Variants in SMG1 observed in about 807,000 individuals in gnomAD.
SMG1 encodes the protein serine/threonine-protein kinase SMG1.
SMG1 carries 22 observed loss-of-function variants against 419.9 expected under a neutral mutation model. That is an observed-to-expected ratio of 0.05 (90% CI 0.04 to 0.07). The LOEUF (loss-of-function observed/expected upper bound fraction) is 0.07. SMG1 is among the 10% of genes least tolerant of loss of function. The probability of loss-of-function intolerance (pLI) is 1.00; values close to 1 mark genes in which losing one functional copy is unlikely to be tolerated. For synonymous variants in SMG1, 1,538 were observed against 1,553.5 expected, an observed-to-expected ratio of 0.99 and a Z score of 0.23; for missense variants, 3,185 against 4,342.0, an observed-to-expected ratio of 0.73 and a Z score of 7.49.
At chr16:18,832,472 G>T (rs908648167) in intron 51 of SMG1, among the ~76,000 whole-genome samples, 2 of 152,070 alleles carry the variant, frequency 1.3e-5, no homozygotes, top group African/African-American at 4.8e-5. Context: ...TGTCTCCAAG[G>T]GGTTCTACAA....
intron 38 of SMG1, among the ~76,000 whole-genome samples, chr16:18,846,809 G>C (rs1266767609): frequency 1.3e-5 from 2 of 152,220 alleles, no homozygotes; most frequent in Non-Finnish European, 2.9e-5. Context: ...GGAAAAGTTT[G>C]TTGGCTCCTC....
intron 23 of SMG1, chr16:18,866,299 C>CT: frequency 2.7e-6 from 1 of 372,316 alleles, no homozygotes; most frequent in Non-Finnish European, 5.0e-6. Context: ...AGCAAATACT[C>CT]TGACAATAAA....
intron 1 of SMG1, among the ~76,000 whole-genome samples, chr16:18,916,998 A>G (rs2038007577): frequency 6.6e-6 from 1 of 152,086 alleles, no homozygotes; most frequent in Non-Finnish European, 1.5e-5. Context: ...CTTATATGAC[A>G]TTCCATACAT....
At chr16:18,881,541 TTA>T (rs1257877184) in intron 10 of SMG1, among the ~76,000 whole-genome samples, 1 of 152,224 alleles carries the variant, frequency 6.6e-6, no homozygotes, top group African/African-American at 2.4e-5. Flanking sequence ...ATTAAATCTT[TTA>T]TGACTATATC....
chr16:18,809,269 T>C lies in SMG1; in HGVS notation c.*300A>G. 1 of 347,874 alleles carries C rather than the reference T, an allele frequency of 2.9e-6. No homozygotes were observed. Among genetic ancestry groups the C allele is most frequent in the Non-Finnish European group, 5.6e-6 (1 of 179,694 alleles). The allele number at this position is 347,874 out of a possible 1,614,324, so 21.5% of individuals were successfully genotyped here. ...CGGCATCCCGATTTCTTTCCGCAGC[T>C]AACCTCCCGACACGTCTGCTGCTGT... On this transcript the variant is annotated 3_prime_UTR_variant, in exon 63 of 63. Coordinates refer to ENST00000446231, the MANE Select transcript of SMG1 (RefSeq NM_015092.5).
intron 38 of SMG1, 74 bp downstream of exon 38, chr16:18,847,379 T>G (rs747918160): frequency 6.6e-7 from 1 of 1,521,174 alleles, no homozygotes; most frequent in Non-Finnish European, 9.0e-7. Flanking sequence ...ATTAAAATAG[T>G]AAATTTTATG....
intron 22 of SMG1, among the ~76,000 whole-genome samples, chr16:18,867,526 AAAAT>A (rs139133406): frequency 0.31 from 43,707 of 141,934 alleles, 7,673 homozygotes; most frequent in Non-Finnish European, 0.4. Context: ...TGTGTCTCAA[AAAAT>A]AAATAAATAA....
At chr16:18,884,768 A>G (rs1472445581) in intron 8 of SMG1, 1 of 235,360 alleles carries the variant, frequency 4.2e-6, no homozygotes, top group African/African-American at 2.3e-5. Context: ...CAGAAAAACA[A>G]TAAAATGTGA....
rs2033003951 is a variant in SMG1 at position 18,829,400 on chromosome 16, T to G, written c.9489A>C (p.Ala3163=). The G allele has an allele frequency of 2.5e-6, 4 of 1,613,904 alleles. No individual in the cohort carries two copies. Among genetic ancestry groups the G allele is most frequent in the Non-Finnish European group, 3.4e-6 (4 of 1,179,900 alleles). The change falls in exon 54 of 63, where the codon GCA becomes GCC. Residue 3163 remains alanine, a synonymous_variant. Transcript: ENST00000446231. Reference sequence around the variant, plus strand: ...TCTTCCAGGCAGTGTCGTAAGAACTTGCTAACACAGTTGCCCTGTTCATAA... The same window carrying G: ...TCTTCCAGGCAGTGTCGTAAGAACTGGCTAACACAGTTGCCCTGTTCATAA... ...QLVMNRATVL[A]SSYDTAWKKH... is the part of the protein sequence containing the mutation.
At chr16:18,830,449 A>C in intron 51 of SMG1, 80 bp from the exon 52 acceptor site, 3 of 1,460,616 alleles carry the variant, frequency 2.1e-6, no homozygotes, top group Non-Finnish European at 2.8e-6. Context: ...AGTACATCTC[A>C]CAGCTGCATG....
intron 12 of SMG1, among the ~76,000 whole-genome samples, chr16:18,876,901 A>G (rs1304815937): frequency 1.3e-5 from 2 of 152,070 alleles, no homozygotes; most frequent in African/African-American, 2.4e-5. Context: ...AATAAATTTA[A>G]TAACAGCAAA....
chr16:18,853,270 C>A (rs963058426), intron 31 of SMG1, among the ~76,000 whole-genome samples: 9 of 152,068 alleles, frequency 5.9e-5, no homozygotes, highest in African/African-American at 2.2e-4. Flanking sequence ...AATAGGAACA[C>A]AGGTAACTAT....
chr16:18,911,295 A>T (rs1487397171), intron 1 of SMG1: 1 of 152,220 alleles, frequency 6.6e-6, no homozygotes, highest in Non-Finnish European at 1.5e-5. Context: ...CAAGGTCAGG[A>T]GTTCAAGACC....
Position 18,854,016 on chromosome 16 carries a change from C to T in SMG1, c.4484-149G>A, listed in dbSNP as rs28623327. ...TATGCTCAAGCATAGGAGGCTCCTA[C>T]TGTCTTAGCCTCCCAAAGTGCTGAG... On this transcript the variant is annotated intron_variant, in intron 30 of 62. Transcript: ENST00000446231. 0.022 allele frequency: 14,667 copies of T among 681,976 alleles called. 1,514 individuals carry two copies. In the African/African-American group the frequency reaches 0.23, roughly 11 times the overall value. 42.2% of individuals were successfully genotyped at this position (681,976 alleles called of 1,614,324 possible). A position where few individuals can be genotyped will look rare whatever the true frequency, so the allele number is the denominator to read the frequency against.
chr16:18,854,548 G>A lies in SMG1; in HGVS notation c.4483+108C>T, dbSNP rs886088168. 34 of 1,050,620 alleles carry A rather than the reference G, an allele frequency of 3.2e-5. No individual in the cohort carries two copies. In the African/African-American group the frequency reaches 5.0e-4, roughly 15 times the overall value. The allele number at this position is 1,050,620 out of a possible 1,614,324, so 65.1% of individuals were successfully genotyped here. On this transcript the variant is annotated intron_variant, in intron 30 of 62. Coordinates refer to ENST00000446231, the MANE Select transcript of SMG1 (RefSeq NM_015092.5). ...AGGATGCAAATGTTCTGCAACAGCTGGAAATGATCAACTTTGCTATTACTA... is the reference window on the plus strand; with the variant it reads ...AGGATGCAAATGTTCTGCAACAGCTAGAAATGATCAACTTTGCTATTACTA...
At position 18,882,027 on chromosome 16, in the gene SMG1, A is replaced by AATATATAC. The variant is rs1596587829; in HGVS notation, c.1293+130_1293+137dup. ...TAGTTATTCAAGAAAACAGTCAGAC[A>AATATATAC]ATATATACATATATACATACATACA... On this transcript the variant is annotated intron_variant, in intron 10 of 62. Coordinates refer to ENST00000446231, the MANE Select transcript of SMG1 (RefSeq NM_015092.5). 6.1e-6 allele frequency: 3 copies of AATATATAC among 492,054 alleles called. No homozygotes were observed. The East Asian group carries it at 1.1e-4, about 17-fold the overall frequency. The allele number at this position is 492,054 out of a possible 1,614,324, so 30.5% of individuals were successfully genotyped here. A position where few individuals can be genotyped will look rare whatever the true frequency, so the allele number is the denominator to read the frequency against.
intron 59 of SMG1, 43 bp from the exon 60 acceptor site, chr16:18,815,324 C>G (rs1230315536): frequency 1.3e-6 from 2 of 1,526,100 alleles, no homozygotes; most frequent in Non-Finnish European, 1.8e-6. Context: ...AATGTTTTAC[C>G]TGATACTACT....
rs1288118158 is a variant in SMG1, at chr16:18,926,280, A to G, written c.-239T>C. The G allele has an allele frequency of 5.8e-6, 3 of 515,076 alleles. No homozygotes were observed. Among genetic ancestry groups the G allele is most frequent in the Non-Finnish European group, 1.0e-5 (3 of 294,674 alleles). The allele number at this position is 515,076 out of a possible 1,614,324, so 31.9% of individuals were successfully genotyped here. A position where few individuals can be genotyped will look rare whatever the true frequency, so the allele number is the denominator to read the frequency against. On this transcript the variant is annotated 5_prime_UTR_variant, in exon 1 of 63. Coordinates refer to ENST00000446231, the MANE Select transcript of SMG1 (RefSeq NM_015092.5). ...GAGGAGGCGGGAGCGGCGCGGTGAG[A>G]GAGAGGCGGATGAAGGGGAGGCGAC...
At chr16:18,905,983 A>C (rs533170113) in intron 1 of SMG1, among the ~76,000 whole-genome samples, 1 of 152,110 alleles carries the variant, frequency 6.6e-6, no homozygotes, top group African/African-American at 2.4e-5. Flanking sequence ...CTATACCCTT[A>C]ACTCTTAAGG....
Sources: gnomAD v4.1 joint callset for allele counts (sites outside exome capture counted in the v4.1 genomes callset) on GRCh38, gnomAD v4.1.1 for gene constraint, MANE v1.5 for transcripts, NCBI Gene and HGNC (gene_info 2026-07-23, HGNC 2026-07-21) for gene names.